Variants in PRMT8 observed in about 807,000 individuals in gnomAD.
PRMT8 encodes protein arginine methyltransferase 8.
PRMT8 carries 7 observed loss-of-function variants against 47.1 expected under a neutral mutation model. The observed-to-expected ratio is 0.15, with a 90% confidence interval of 0.08 to 0.28. The LOEUF (loss-of-function observed/expected upper bound fraction) is 0.28, where lower values mean the gene tolerates loss of function less well. PRMT8 is among the 10% of genes least tolerant of loss of function. PRMT8 has a pLI of 1.00. For synonymous variants in PRMT8, 188 were observed against 186.5 expected, an observed-to-expected ratio of 1.01 and a Z score of -0.07; for missense variants, 237 against 505.4, an observed-to-expected ratio of 0.47 and a Z score of 5.09.
At chr12:3,544,115 T>G (rs1326408296) in intron 2 of PRMT8, among the ~76,000 whole-genome samples, 2 of 152,172 alleles carry the variant, frequency 1.3e-5, no homozygotes, top group Non-Finnish European at 2.9e-5. Context: ...GTCATATATT[T>G]AATAGGCAGG....
intron 1 of PRMT8, among the ~76,000 whole-genome samples, chr12:3,525,445 T>C (rs1865938623): frequency 6.6e-6 from 1 of 152,124 alleles, no homozygotes; most frequent in African/African-American, 2.4e-5. Context: ...GGATGGCCAT[T>C]GCATTCTGAA....
chr12:3,574,071 C>G (rs1000131264), intron 6 of PRMT8: 2 of 152,164 alleles, frequency 1.3e-5, no homozygotes, highest in Non-Finnish European at 2.9e-5. Flanking sequence ...CCCAAATTAA[C>G]CCATATAAAG....
chr12:3,465,852 A>T (rs1305089623), intron 1 of PRMT8, among the ~76,000 whole-genome samples: 1 of 152,200 alleles, frequency 6.6e-6, no homozygotes, highest in Non-Finnish European at 1.5e-5. Context: ...AACTCTGCAC[A>T]CATACGCAGG....
intron 1 of PRMT8, among the ~76,000 whole-genome samples, chr12:3,433,477 T>C (rs967835700): frequency 6.6e-6 from 1 of 151,386 alleles, no homozygotes; most frequent in African/African-American, 2.4e-5. Context: ...TCCTACTGTC[T>C]CATTTTATAT....
In PRMT8 at chr12:3,593,583, C is replaced by T. The variant is rs1867361142; in HGVS notation, c.*401C>T. ...CCTGGAGACATAGCATCTTTGATAG[C>T]ATAAGCCAGATTATCTGTGTGTGCG... On this transcript the variant is annotated 3_prime_UTR_variant, in exon 10 of 10. Coordinates refer to ENST00000382622, the MANE Select transcript of PRMT8 (RefSeq NM_019854.5). This position sits in a 1 kb window ranked among gnomAD's most constrained non-coding sequence, Gnocchi z 4.8. The T allele has an allele frequency of 4.1e-6, 1 of 243,510 alleles. No homozygotes were observed. Among genetic ancestry groups the T allele is most frequent in the Non-Finnish European group, 8.0e-6 (1 of 125,508 alleles). 15.1% of individuals were successfully genotyped at this position (243,510 alleles called of 1,614,324 possible).
In PRMT8 at chr12:3,438,002, C is replaced by T. The variant is rs550651588; in HGVS notation, c.48+56560C>T. Among the ~76,000 whole-genome samples, 148 of 152,224 alleles carry T rather than the reference C, an allele frequency of 9.7e-4. 1 individual carries two copies. The highest frequency in any genetic ancestry group is 3.4e-3 in the African/African-American group (141 of 41,524). On this transcript the variant is annotated intron_variant, in intron 1 of 9. Transcript: ENST00000452611. ...ACAGGACTCTTATGGGGTCTGGGGT[C>T]CCAAGGAGGAAGTCCTTGGAGAAAT...
intron 1 of PRMT8, among the ~76,000 whole-genome samples, chr12:3,396,538 G>T (rs1405381441): frequency 2.0e-5 from 3 of 152,162 alleles, no homozygotes; most frequent in Admixed American, 6.5e-5. Context: ...TTGAATATTG[G>T]CCCTCACTCT....
chr12:3,384,743 A>G (rs1864124116), intron 1 of PRMT8, among the ~76,000 whole-genome samples: 1 of 152,166 alleles, frequency 6.6e-6, no homozygotes, highest in Admixed American at 6.5e-5. Context: ...TCTCGCAAAG[A>G]GAATGGAAAC....
intron 4 of PRMT8, among the ~76,000 whole-genome samples, chr12:3,558,605 C>A (rs1866568796): frequency 6.6e-6 from 1 of 152,202 alleles, no homozygotes; most frequent in Non-Finnish European, 1.5e-5. Context: ...CCTGCTCAGA[C>A]TTTCCTTGAC....
At chr12:3,512,689 CTCT>C in intron 1 of PRMT8, among the ~76,000 whole-genome samples, 1 of 152,346 alleles carries the variant, frequency 6.6e-6, no homozygotes, top group East Asian at 1.9e-4. Context: ...CACTCATTAA[CTCT>C]TCTTCCCAGC....
Position 3,493,444 on chromosome 12 carries a change from A to C in PRMT8, c.75+1744A>C, listed in dbSNP as rs1865455768. On this transcript the variant is annotated intron_variant, in intron 1 of 9. Transcript: ENST00000382622. The surrounding 1 kb of genome is among the most constrained non-coding windows in gnomAD (Gnocchi z 8.2). The stretch of plus-strand genomic sequence containing the variant: ...CTCTGCCAGGTGGCTGGAGCCCTGG[A>C]AGCGAGAAGGCGCTTCCTCCCTGCA... Among the ~76,000 whole-genome samples, 1 of 152,152 alleles carries C rather than the reference A, an allele frequency of 6.6e-6. No homozygotes were observed. Among genetic ancestry groups the C allele is most frequent in the Non-Finnish European group, 1.5e-5 (1 of 68,026 alleles).
intron 1 of PRMT8, among the ~76,000 whole-genome samples, chr12:3,428,318 G>T (rs897687406): frequency 6.6e-6 from 1 of 150,866 alleles, no homozygotes; most frequent in African/African-American, 2.4e-5. Context: ...TTTTGTCCCC[G>T]CTTTTTTTTT....
chr12:3,491,574 GCT>G lies in PRMT8; in HGVS notation c.-44_-43del. 1 of 1,576,532 alleles carries G rather than the reference GCT, an allele frequency of 6.3e-7. No homozygotes were observed. The highest frequency in any genetic ancestry group is 1.4e-5 in the African/African-American group (1 of 73,294). Reference sequence around the variant, plus strand: ...CGCTCTCTCTTTTAAAGCGACACCAGCTCTCTCTCCTCCTCTACTATCTCGGT... The same window carrying G: ...CGCTCTCTCTTTTAAAGCGACACCAGCTCTCTCCTCCTCTACTATCTCGGT... On this transcript the variant is annotated 5_prime_UTR_variant, in exon 1 of 10. Coordinates refer to ENST00000382622, the MANE Select transcript of PRMT8 (RefSeq NM_019854.5).
intron 1 of PRMT8, among the ~76,000 whole-genome samples, chr12:3,403,164 G>A (rs141911948): frequency 9.9e-5 from 15 of 152,282 alleles, no homozygotes; most frequent in African/African-American, 3.4e-4. Context: ...CTTGTCCTTT[G>A]CAGGGACATG....
rs568750074 is a variant in PRMT8 at position 3,445,923 on chromosome 12, C to T, written c.48+64481C>T. Among the ~76,000 whole-genome samples, 14 of 152,258 alleles carry T rather than the reference C, an allele frequency of 9.2e-5. No individual in the cohort carries two copies. The South Asian group carries it at 2.7e-3, about 29-fold the overall frequency. ...AGGAGAGCCGTCCTGAGCCACCTAC[C>T]TCCTGGCCCCATTGGTAGGGGGTAC... On this transcript the variant is annotated intron_variant, in intron 1 of 9. Coordinates refer to the PRMT8 transcript ENST00000452611.
intron 1 of PRMT8, among the ~76,000 whole-genome samples, chr12:3,430,530 AT>A (rs1401047973): frequency 6.6e-6 from 1 of 152,222 alleles, no homozygotes; most frequent in African/African-American, 2.4e-5. Flanking sequence ...CTAAGATAAC[AT>A]TTAAAAAAAT....
At chr12:3,522,188 G>A (rs1291360134) in intron 1 of PRMT8, among the ~76,000 whole-genome samples, 1 of 152,024 alleles carries the variant, frequency 6.6e-6, no homozygotes, top group Non-Finnish European at 1.5e-5. Flanking sequence ...CCCGTATTTA[G>A]GTAGGACCAC....
intron 1 of PRMT8, among the ~76,000 whole-genome samples, chr12:3,404,508 C>G (rs1451362207): frequency 2.6e-5 from 4 of 152,186 alleles, no homozygotes; most frequent in Non-Finnish European, 1.5e-5. Context: ...ATCATCTGTA[C>G]CCCAGAAACT....
intron 4 of PRMT8, among the ~76,000 whole-genome samples, chr12:3,567,945 T>C (rs540289668): frequency 6.7e-4 from 102 of 151,970 alleles, no homozygotes; most frequent in Admixed American, 1.6e-3. Flanking sequence ...TGGTGGCACA[T>C]GCCTGTAATC....
Sources: allele counts gnomAD v4.1 joint callset (sites outside exome capture counted in the v4.1 genomes callset), GRCh38; gene constraint gnomAD v4.1.1; non-coding constraint Gnocchi (gnomAD v3.1); transcripts MANE v1.5; gene names NCBI Gene and HGNC (gene_info 2026-07-23, HGNC 2026-07-21).